HIVEP3: variants seen among roughly 807,000 people sequenced by gnomAD.
HIVEP3 encodes transcription factor HIVEP3.
In HIVEP3, 49 loss-of-function variants were observed where a neutral mutation model predicts 152.8. That is an observed-to-expected ratio of 0.32 (90% CI 0.26 to 0.41). The LOEUF (loss-of-function observed/expected upper bound fraction) is 0.41. Among genes scored for constraint, HIVEP3 ranks in the 10% least tolerant of loss-of-function variants. The probability of loss-of-function intolerance (pLI) is 1.00; values close to 1 mark genes in which losing one functional copy is unlikely to be tolerated. For missense variants in HIVEP3, 2,790 were observed against 3,103.3 expected (o/e 0.90, Z 2.40); for synonymous variants, 1,269 against 1,289.0 (o/e 0.98, Z 0.33).
chr1:41,648,930 A>T (rs961188288), intron 2 of HIVEP3, among the ~76,000 whole-genome samples: 2 of 152,254 alleles, frequency 1.3e-5, no homozygotes, highest in East Asian at 3.8e-4. Flanking sequence ...TCCTGCTTTA[A>T]CAGTGCTGCA....
chr1:42,007,897 CAT>C (rs973260945), intron 1 of HIVEP3, among the ~76,000 whole-genome samples: 3 of 152,154 alleles, frequency 2.0e-5, no homozygotes, highest in African/African-American at 7.2e-5. Context: ...CTAGAGGTAA[CAT>C]ATCTGTTTCT....
chr1:41,725,467 G>A (rs560406580), intron 1 of HIVEP3, among the ~76,000 whole-genome samples: 1 of 152,340 alleles, frequency 6.6e-6, no homozygotes, highest in African/African-American at 2.4e-5. Flanking sequence ...TAATGCAACA[G>A]CAATGGAATA....
At chr1:41,893,468 G>A (rs148697500) in intron 1 of HIVEP3, among the ~76,000 whole-genome samples, 3 of 152,080 alleles carry the variant, frequency 2.0e-5, no homozygotes, top group Non-Finnish European at 2.9e-5. Flanking sequence ...GGTTGCTATC[G>A]CTACCTAGTG....
chr1:42,026,882 G>A (rs1645585734), intron 1 of HIVEP3, among the ~76,000 whole-genome samples: 1 of 152,200 alleles, frequency 6.6e-6, no homozygotes, highest in African/African-American at 2.4e-5. Flanking sequence ...TCATCTTAAA[G>A]AGCATGACTT....
At chr1:41,808,387 T>A (rs1296129708) in intron 1 of HIVEP3, among the ~76,000 whole-genome samples, 1 of 152,210 alleles carries the variant, frequency 6.6e-6, no homozygotes, top group Non-Finnish European at 1.5e-5. Flanking sequence ...CTCCTTCTAT[T>A]GAGTTCCCCT....
At chr1:41,545,578 CCACCA>C (rs1643759970) in intron 5 of HIVEP3, among the ~76,000 whole-genome samples, 1 of 127,364 alleles carries the variant, frequency 7.9e-6, no homozygotes, top group African/African-American at 3.0e-5. Flanking sequence ...ACCACCACCA[CCACCA>C]TCACCATCAC....
intron 1 of HIVEP3, among the ~76,000 whole-genome samples, chr1:41,764,419 G>A (rs1207539232): frequency 2.0e-5 from 3 of 152,212 alleles, no homozygotes; most frequent in Non-Finnish European, 4.4e-5. Flanking sequence ...GACAAGGTGC[G>A]GGTGGGGGGC....
intron 1 of HIVEP3, among the ~76,000 whole-genome samples, chr1:41,870,763 G>A (rs1392951022): frequency 6.6e-6 from 1 of 152,210 alleles, no homozygotes; most frequent in Non-Finnish European, 1.5e-5. Flanking sequence ...ACCTGCAGGT[G>A]TTATCCTGGG....
At chr1:41,547,507 A>C (rs1033602467) in intron 5 of HIVEP3, among the ~76,000 whole-genome samples, 9 of 152,106 alleles carry the variant, frequency 5.9e-5, no homozygotes, top group African/African-American at 1.9e-4. Context: ...GCACAGAGGC[A>C]GGGATGCTTG....
In HIVEP3 at chr1:41,836,225, C is replaced by G. The variant is rs563988491; in HGVS notation, c.-801+82188G>C. Among the ~76,000 whole-genome samples, 6 of 152,362 alleles carry G rather than the reference C, an allele frequency of 3.9e-5. No homozygotes were observed. The East Asian group carries it at 9.6e-4, about 24-fold the overall frequency. Reference sequence around the variant, plus strand: ...AGTCGGGGCCTGGCTGAGCCCTCTGCCCCGCAGACTTGCCCTCTGGTGAAC... The same window carrying G: ...AGTCGGGGCCTGGCTGAGCCCTCTGGCCCGCAGACTTGCCCTCTGGTGAAC... On this transcript the variant is annotated intron_variant, in intron 1 of 8. Transcript: ENST00000372583.
chr1:41,822,024 T>C (rs74073207), intron 1 of HIVEP3, among the ~76,000 whole-genome samples: 2 of 152,274 alleles, frequency 1.3e-5, no homozygotes, highest in African/African-American at 4.8e-5. Context: ...AAATCATCCT[T>C]TTATTGCTCC....
intron 1 of HIVEP3, among the ~76,000 whole-genome samples, chr1:41,872,754 A>G (rs1644104771): frequency 6.6e-6 from 1 of 152,162 alleles, no homozygotes; most frequent in Admixed American, 6.5e-5. Context: ...ATTACTGAAT[A>G]ATATCTATTT....
chr1:41,556,834 A>G (rs963465590), intron 5 of HIVEP3, among the ~76,000 whole-genome samples: 1 of 152,228 alleles, frequency 6.6e-6, no homozygotes, highest in African/African-American at 2.4e-5. Context: ...GTATGAGTCC[A>G]ACTTCACCTT....
rs116517450 is a variant in HIVEP3 at position 41,628,789 on chromosome 1, G to A, written c.-562C>T. On this transcript the variant is annotated 5_prime_UTR_variant, in exon 3 of 9. Coordinates refer to ENST00000372583, the MANE Select transcript of HIVEP3 (RefSeq NM_024503.5). ...CACTTCCGATGACCAAAACTGAAAC[G>A]CTGTTCTCTCTGAAAGCCAGCATTC... The A allele has an allele frequency of 8.9e-4, 1,098 of 1,232,082 alleles. 10 individuals carry two copies. In the African/African-American group the frequency reaches 0.016, roughly 18 times the overall value. 76.3% of individuals were successfully genotyped at this position (1,232,082 alleles called of 1,614,324 possible).
rs1644377459 is a variant in HIVEP3 at position 41,580,049 on chromosome 1, T to C, written c.4749A>G (p.Ser1583=). The C allele has an allele frequency of 6.2e-7, 1 of 1,614,094 alleles. No homozygotes were observed. Among genetic ancestry groups the C allele is most frequent in the Admixed American group, 1.7e-5 (1 of 60,006 alleles). The part of the protein sequence containing the change: ...LSETSSRPAK[S]QEGTDSKKVL... ...CCTTCTTTGAGTCCGTACCTTCTTG[T>C]GACTTGGCTGGTCTGGAGGACGTTT... Residue 1583 remains serine, a synonymous_variant, in exon 4 of 9, where the codon TCA becomes TCG. Transcript: ENST00000372583.
At chr1:41,788,753 T>G (rs988033255) in intron 1 of HIVEP3, among the ~76,000 whole-genome samples, 2 of 152,188 alleles carry the variant, frequency 1.3e-5, no homozygotes, top group African/African-American at 4.8e-5. Context: ...GAATGCTTAA[T>G]GGAATAAGGA....
chr1:41,705,282 T>C lies in HIVEP3; in HGVS notation c.-800-4287A>G, dbSNP rs367767285. Among the ~76,000 whole-genome samples the C allele has an allele frequency of 9.2e-5, 14 of 152,342 alleles. No homozygotes were observed. In the East Asian group the frequency reaches 1.3e-3, roughly 15 times the overall value. On this transcript the variant is annotated intron_variant, in intron 1 of 8. Transcript: ENST00000372583. ...ACGCTCTCATCTCCCCACCCTGGCC[T>C]GGCCTGCAATGATGCAGCCTCTGGA...
chr1:41,759,497 G>T (rs1477495681), intron 1 of HIVEP3, among the ~76,000 whole-genome samples: 1 of 152,196 alleles, frequency 6.6e-6, no homozygotes, highest in African/African-American at 2.4e-5. Flanking sequence ...GTGCAGATAT[G>T]AGCATTCATG....
intron 2 of HIVEP3, among the ~76,000 whole-genome samples, chr1:41,657,620 T>C (rs775665344): frequency 6.6e-6 from 1 of 152,204 alleles, no homozygotes; most frequent in Non-Finnish European, 1.5e-5. Context: ...TTGTTGTTTA[T>C]GGTTCACCTA....
Sources: allele counts gnomAD v4.1 joint callset (sites outside exome capture counted in the v4.1 genomes callset), GRCh38; gene constraint gnomAD v4.1.1; transcripts MANE v1.5; gene names NCBI Gene and HGNC (gene_info 2026-07-23, HGNC 2026-07-21).